SMIM35: variants seen among roughly 807,000 people sequenced by gnomAD.
SMIM35 encodes the protein TMPRSS4 antisense RNA 1 (non-protein coding).
At chr11:118,013,240 A>AACT (rs1282624964) in intron 4 of SMIM35, among the ~76,000 whole-genome samples, 1 of 152,160 alleles carries the variant, frequency 6.6e-6, no homozygotes, top group African/African-American at 2.4e-5. Flanking sequence ...GAGGGGCAAG[A>AACT]ACTGCCCAAG....
intron 1 of SMIM35, among the ~76,000 whole-genome samples, chr11:118,030,059 A>C (rs955307077): frequency 6.6e-6 from 1 of 151,634 alleles, no homozygotes; most frequent in Non-Finnish European, 1.5e-5. Context: ...TTTTGAGACA[A>C]TGTCTCACTC....
intron 4 of SMIM35, among the ~76,000 whole-genome samples, chr11:118,007,065 G>GCA (rs141560816): frequency 6.6e-6 from 1 of 151,712 alleles, no homozygotes; most frequent in Non-Finnish European, 1.5e-5. Flanking sequence ...ACACGCACAC[G>GCA]CACACACACA....
At chr11:118,043,791 A>C (rs945206744) in intron 1 of SMIM35, among the ~76,000 whole-genome samples, 8 of 142,938 alleles carry the variant, frequency 5.6e-5, no homozygotes, top group Non-Finnish European at 1.1e-4. Flanking sequence ...CGACAGAGAG[A>C]AACTCCATCT....
chr11:118,012,488 C>G (rs1308295001), intron 4 of SMIM35, among the ~76,000 whole-genome samples: 6 of 152,234 alleles, frequency 3.9e-5, no homozygotes, highest in African/African-American at 1.4e-4. Context: ...CCACTTTTGC[C>G]ACAGGACAGG....
At chr11:118,015,021 T>G (rs1335543844) in intron 2 of SMIM35, among the ~76,000 whole-genome samples, 1 of 152,224 alleles carries the variant, frequency 6.6e-6, no homozygotes, top group East Asian at 1.9e-4. Flanking sequence ...TTTAGCCTCA[T>G]GTCTCCATCT....
Position 118,006,013 on chromosome 11 carries a change from G to A in SMIM35, c.*397C>T, listed in dbSNP as rs1468624335. The A allele has an allele frequency of 3.3e-5, 5 of 152,418 alleles. No homozygotes were observed. The highest frequency in any genetic ancestry group is 3.3e-4 in the Admixed American group (5 of 15,288). 9.4% of individuals were successfully genotyped at this position (152,418 alleles called of 1,614,324 possible). On this transcript the variant is annotated 3_prime_UTR_variant, in exon 5 of 5. Coordinates refer to ENST00000689828, the MANE Select transcript of SMIM35 (RefSeq NM_001394165.1). ...GATGGCGTGTGGAGAGCGGGCATTT[G>A]GCCCAGCTGGCGCTTTCTGGGAGGC...
At chr11:118,009,646 G>T (rs1207143942) in intron 4 of SMIM35, among the ~76,000 whole-genome samples, 1 of 150,522 alleles carries the variant, frequency 6.6e-6, no homozygotes, top group African/African-American at 2.5e-5. Context: ...TTGACACTTT[G>T]TACTTGCATC....
chr11:118,042,526 C>A (rs1175859171), intron 1 of SMIM35, among the ~76,000 whole-genome samples: 1 of 152,182 alleles, frequency 6.6e-6, no homozygotes. Flanking sequence ...TTCTGCCAAA[C>A]ATTTAAAGAA....
intron 1 of SMIM35, chr11:118,077,316 G>A (rs1290672096): frequency 1.3e-6 from 2 of 1,598,464 alleles, no homozygotes; most frequent in South Asian, 1.1e-5. Context: ...GTGAGTGTGG[G>A]GCCCTCTGCT....
chr11:118,077,874 G>A (rs1348973030), intron 1 of SMIM35, among the ~76,000 whole-genome samples: 2 of 151,936 alleles, frequency 1.3e-5, no homozygotes, highest in Non-Finnish European at 1.5e-5. Flanking sequence ...TTAGCCAGGC[G>A]TGGTGGCAGG....
Position 118,004,281 on chromosome 11 carries a change from C to T in SMIM35, c.*2129G>A, listed in dbSNP as rs1207028386. 1 of 152,184 alleles carries T rather than the reference C, an allele frequency of 6.6e-6. No homozygotes were observed. Among genetic ancestry groups the T allele is most frequent in the Non-Finnish European group, 1.5e-5 (1 of 68,032 alleles). The allele number at this position is 152,184 out of a possible 1,614,324, so 9.4% of individuals were successfully genotyped here. A position where few individuals can be genotyped will look rare whatever the true frequency, so the allele number is the denominator to read the frequency against. On this transcript the variant is annotated 3_prime_UTR_variant, in exon 5 of 5. Coordinates refer to ENST00000689828, the MANE Select transcript of SMIM35 (RefSeq NM_001394165.1). ...AAAAATATTCAGTTCATAAGAGAGG[C>T]TTATACAATAGTCTAATCAAATGAC...
At chr11:118,021,060 C>CTTTT in intron 1 of SMIM35, among the ~76,000 whole-genome samples, 1 of 125,602 alleles carries the variant, frequency 8.0e-6, no homozygotes, top group South Asian at 2.7e-4. Flanking sequence ...TTTTTTTTTA[C>CTTTT]TATTTATTAA....
intron 1 of SMIM35, among the ~76,000 whole-genome samples, chr11:118,054,233 C>T (rs1461808883): frequency 6.6e-6 from 1 of 151,564 alleles, no homozygotes; most frequent in Non-Finnish European, 1.5e-5. Context: ...ATTTGGCTCC[C>T]TGAAAGTGCA....
chr11:118,036,021 G>A (rs2058357227), intron 1 of SMIM35, among the ~76,000 whole-genome samples: 1 of 152,132 alleles, frequency 6.6e-6, no homozygotes, highest in Non-Finnish European at 1.5e-5. Flanking sequence ...CCAAGTTGCT[G>A]GGATTACAGG....
At chr11:118,014,384 A>AGATG (rs72362173) in intron 3 of SMIM35, among the ~76,000 whole-genome samples, 106 of 147,074 alleles carry the variant, frequency 7.2e-4, no homozygotes, top group African/African-American at 2.2e-3. Context: ...CTTGGGGGAG[A>AGATG]GATGGATGGA....
intron 2 of SMIM35, 88 bp from the exon 3 acceptor site, chr11:118,014,829 C>T: frequency 2.5e-6 from 1 of 398,062 alleles, no homozygotes; most frequent in Non-Finnish European, 4.4e-6. Context: ...CTCCCTCACC[C>T]CTGTCTGGAG....
In SMIM35 at chr11:118,005,251, GA is replaced by G. The variant is rs1346294136; in HGVS notation, c.*1158del. ...TACCGGTTCCCAAGGACCTGCTAGG[GA>G]AACAACTTATAGCGACCACATTGCA... is the stretch of plus-strand genomic sequence containing the variant. On this transcript the variant is annotated 3_prime_UTR_variant, in exon 5 of 5. Coordinates refer to ENST00000689828, the MANE Select transcript of SMIM35 (RefSeq NM_001394165.1). The G allele has an allele frequency of 2.0e-5, 3 of 152,204 alleles. No homozygotes were observed. The highest frequency in any genetic ancestry group is 4.4e-5 in the Non-Finnish European group (3 of 68,036). The allele number at this position is 152,204 out of a possible 1,614,324, so 9.4% of individuals were successfully genotyped here. A position where few individuals can be genotyped will look rare whatever the true frequency, so the allele number is the denominator to read the frequency against.
intron 1 of SMIM35, among the ~76,000 whole-genome samples, chr11:118,029,401 G>A (rs145347077): frequency 1.1e-4 from 16 of 152,324 alleles, no homozygotes; most frequent in Admixed American, 2.6e-4. Context: ...ATATAGTTTA[G>A]TTAAAGTGTT....
At chr11:118,045,229 C>A (rs1944078693) in intron 1 of SMIM35, among the ~76,000 whole-genome samples, 1 of 152,052 alleles carries the variant, frequency 6.6e-6, no homozygotes, top group Non-Finnish European at 1.5e-5. Flanking sequence ...AGAATTCCTC[C>A]TTTGTTGCTC....
Sources: gnomAD v4.1 joint callset for allele counts (sites outside exome capture counted in the v4.1 genomes callset) on GRCh38, gnomAD v4.1.1 for gene constraint, MANE v1.5 for transcripts, NCBI Gene and HGNC (gene_info 2026-07-23, HGNC 2026-07-21) for gene names.